Variants in LINGO2 observed in about 807,000 individuals in gnomAD.
LINGO2 encodes the protein leucine-rich repeat and immunoglobulin-like domain-containing nogo receptor-interacting protein 2.
Under a neutral mutation model 30.6 loss-of-function variants are expected in LINGO2, and 14 were observed. The observed-to-expected ratio is 0.46, with a 90% CI of 0.30 to 0.72. The LOEUF is 0.72. Ranked by LOEUF, LINGO2 falls within the 30% of genes least tolerant of loss-of-function variation. The pLI is 0.07. For synonymous variants in LINGO2, 317 were observed against 288.5 expected, an observed-to-expected ratio of 1.10 and a Z score of -1.00; for missense variants, 729 against 751.7, an observed-to-expected ratio of 0.97 and a Z score of 0.35.
intron 4 of LINGO2, among the ~76,000 whole-genome samples, chr9:28,064,366 G>C (rs60049625): frequency 0.018 from 2,679 of 152,226 alleles, 60 homozygotes; most frequent in African/African-American, 0.059. Context: ...TGGATTTCCA[G>C]AGTCACTGGC....
At chr9:28,862,059 A>C in the LINGO2 span, among the ~76,000 whole-genome samples, 1 of 152,096 alleles carries the variant, frequency 6.6e-6, no homozygotes, top group East Asian at 1.9e-4. Context: ...CTCAAAGGAA[A>C]TTTTACAGGT....
the LINGO2 span, among the ~76,000 whole-genome samples, chr9:28,693,974 C>T: frequency 1.2e-4 from 18 of 151,808 alleles, 1 homozygote; most frequent in East Asian, 3.5e-3. Flanking sequence ...ATACACTGAC[C>T]CCATCAAAAT....
chr9:28,837,471 C>G, the LINGO2 span, among the ~76,000 whole-genome samples: 2 of 150,962 alleles, frequency 1.3e-5, no homozygotes, highest in Non-Finnish European at 1.5e-5. Flanking sequence ...CATGGAGAAA[C>G]CCCATCTCTC....
At chr9:29,001,156 C>G in the LINGO2 span, among the ~76,000 whole-genome samples, 1 of 151,756 alleles carries the variant, frequency 6.6e-6, no homozygotes, top group African/African-American at 2.4e-5. Context: ...ATTACTTACT[C>G]TGGATCATAG....
chr9:28,168,507 G>A (rs747811550), intron 4 of LINGO2, among the ~76,000 whole-genome samples: 16 of 152,204 alleles, frequency 1.1e-4, no homozygotes, highest in Non-Finnish European at 2.4e-4. Context: ...AGGAGCTAAA[G>A]TACCTTTCAT....
chr9:28,514,205 C>T (rs1000811552), intron 1 of LINGO2, among the ~76,000 whole-genome samples: 1 of 152,188 alleles, frequency 6.6e-6, no homozygotes, highest in Non-Finnish European at 1.5e-5. Context: ...TTGGACCACT[C>T]TATTCTTGGA....
At chr9:28,651,660 T>C (rs1358902303) in intron 1 of LINGO2, among the ~76,000 whole-genome samples, 1 of 151,184 alleles carries the variant, frequency 6.6e-6, no homozygotes, top group African/African-American at 2.4e-5. Flanking sequence ...TATGTTTTAG[T>C]AAAACTTGTT....
At chr9:28,052,043 C>A (rs531682598) in intron 4 of LINGO2, among the ~76,000 whole-genome samples, 1 of 152,008 alleles carries the variant, frequency 6.6e-6, no homozygotes, top group South Asian at 2.1e-4. Flanking sequence ...ATGCTCTCTG[C>A]GTTCTTATCA....
At chr9:28,449,420 T>G (rs1226670342) in intron 2 of LINGO2, among the ~76,000 whole-genome samples, 1 of 152,108 alleles carries the variant, frequency 6.6e-6, no homozygotes, top group African/African-American at 2.4e-5. Context: ...ATGTTTAAAA[T>G]AAATATCCAT....
At chr9:28,658,455 C>G (rs1828454147) in intron 1 of LINGO2, among the ~76,000 whole-genome samples, 2 of 151,950 alleles carry the variant, frequency 1.3e-5, no homozygotes, top group Admixed American at 6.6e-5. Context: ...ATTATTACAT[C>G]TTCTTGGTGA....
chr9:28,256,312 T>C lies in LINGO2; in HGVS notation c.-87+38896A>G, dbSNP rs117751508. Among the ~76,000 whole-genome samples, 47 of 152,114 alleles carry C rather than the reference T, an allele frequency of 3.1e-4. No individual in the cohort carries two copies. In the East Asian group the frequency reaches 7.7e-3, roughly 25 times the overall value. On this transcript the variant is annotated intron_variant, in intron 4 of 5. Coordinates refer to ENST00000379992, the Ensembl canonical transcript of LINGO2. ...TCATTAATGTTAGTTCCTTTTTTTCTTCTTAATATGCCTGACAATTATATA... is the reference window on the plus strand; with the variant it reads ...TCATTAATGTTAGTTCCTTTTTTTCCTCTTAATATGCCTGACAATTATATA...
chr9:28,873,461 G>C, the LINGO2 span, among the ~76,000 whole-genome samples: 1 of 150,798 alleles, frequency 6.6e-6, no homozygotes, highest in Non-Finnish European at 1.5e-5. Flanking sequence ...AGAAAGTTTT[G>C]ACTAAACACT....
At chr9:28,825,418 G>C in the LINGO2 span, among the ~76,000 whole-genome samples, 1 of 151,854 alleles carries the variant, frequency 6.6e-6, no homozygotes, top group Non-Finnish European at 1.5e-5. Flanking sequence ...GAGTCGAATT[G>C]CAGAGAGGTA....
chr9:29,142,021 A>G, the LINGO2 span, among the ~76,000 whole-genome samples: 1 of 151,924 alleles, frequency 6.6e-6, no homozygotes, highest in Non-Finnish European at 1.5e-5. Context: ...CAGTGAGAAA[A>G]CAGAATACCT....
In LINGO2 at chr9:28,665,020, T is replaced by C. The variant is rs1360758055; in HGVS notation, c.-365+5180A>G. ...ACATATATATATATATATATATATA[T>C]ATATATATATATATATATGTTATAA... On this transcript the variant is annotated intron_variant, in intron 1 of 5. Coordinates refer to ENST00000379992, the Ensembl canonical transcript of LINGO2. Among the ~76,000 whole-genome samples, 6 of 141,046 alleles carry C rather than the reference T, an allele frequency of 4.3e-5. No individual in the cohort carries two copies. The East Asian group carries it at 1.1e-3, about 25-fold the overall frequency. 92.5% of individuals were successfully genotyped at this position (141,046 alleles called of 152,430 possible).
intron 4 of LINGO2, among the ~76,000 whole-genome samples, chr9:28,041,056 T>C (rs1220034816): frequency 1.3e-5 from 2 of 152,234 alleles, no homozygotes; most frequent in South Asian, 2.1e-4. Context: ...ACAGCACTAC[T>C]GTTAGCATTT....
the LINGO2 span, among the ~76,000 whole-genome samples, chr9:29,094,855 T>A: frequency 7.2e-6 from 1 of 139,388 alleles, no homozygotes; most frequent in Non-Finnish European, 1.6e-5. Flanking sequence ...ACATTATATT[T>A]CTATCTGACA....
chr9:28,243,709 A>AAAG (rs752966902), intron 4 of LINGO2, among the ~76,000 whole-genome samples: 163 of 152,146 alleles, frequency 1.1e-3, no homozygotes, highest in African/African-American at 3.3e-3. Context: ...AAAAAGATTA[A>AAAG]AAGAAGAAGA....
chr9:29,167,118 G>A, the LINGO2 span, among the ~76,000 whole-genome samples: 1 of 151,998 alleles, frequency 6.6e-6, no homozygotes, highest in East Asian at 1.9e-4. Flanking sequence ...AATAATTGAA[G>A]TTGGATTTTA....
Sources: allele counts gnomAD v4.1 joint callset (sites outside exome capture counted in the v4.1 genomes callset), GRCh38; gene constraint gnomAD v4.1.1; transcripts MANE v1.5; gene names NCBI Gene and HGNC (gene_info 2026-07-23, HGNC 2026-07-21).